The following NUS1 variants were observed in gnomAD, a reference collection of about 807,000 sequenced individuals.
The protein encoded by NUS1 is NUS1 dehydrodolichyl diphosphate synthase subunit.
For synonymous variants in NUS1, 135 were observed against 155.2 expected (o/e 0.87, Z 0.97); for missense variants, 292 against 382.9 (o/e 0.76, Z 1.98).
intron 3 of NUS1, among the ~76,000 whole-genome samples, chr6:117,697,634 C>T (rs551372450): frequency 1.3e-5 from 2 of 152,008 alleles, no homozygotes; most frequent in South Asian, 4.2e-4. Flanking sequence ...ATGCACCCAA[C>T]ATTGGAGAAC....
intron 3 of NUS1, among the ~76,000 whole-genome samples, chr6:117,699,887 G>T (rs1162371217): frequency 6.6e-6 from 1 of 152,108 alleles, no homozygotes; most frequent in Non-Finnish European, 1.5e-5. Context: ...TGACAAAGGT[G>T]CCCAGAACAT....
chr6:117,687,239 A>G (rs1277772774), intron 1 of NUS1, among the ~76,000 whole-genome samples: 1 of 152,210 alleles, frequency 6.6e-6, no homozygotes, highest in African/African-American at 2.4e-5. Flanking sequence ...TGGAAACTTA[A>G]GAAAAATTCC....
intron 1 of NUS1, among the ~76,000 whole-genome samples, chr6:117,678,817 T>C (rs1051657380): frequency 6.6e-6 from 1 of 151,496 alleles, no homozygotes; most frequent in African/African-American, 2.4e-5. Context: ...TAGCTGGGAC[T>C]ACAGGTGATG....
At chr6:117,695,832 G>T (rs1244507344) in intron 3 of NUS1, among the ~76,000 whole-genome samples, 2 of 151,916 alleles carry the variant, frequency 1.3e-5, no homozygotes, top group African/African-American at 4.8e-5. Flanking sequence ...TTTATGTCTT[G>T]CTTTGTTTAC....
At chr6:117,681,136 A>G (rs1471706511) in intron 1 of NUS1, among the ~76,000 whole-genome samples, 1 of 152,084 alleles carries the variant, frequency 6.6e-6, no homozygotes, top group Non-Finnish European at 1.5e-5. Flanking sequence ...CCTAAATATC[A>G]CCTTGTATAT....
At chr6:117,698,377 G>T (rs560101962) in intron 3 of NUS1, among the ~76,000 whole-genome samples, 2 of 152,182 alleles carry the variant, frequency 1.3e-5, no homozygotes, top group South Asian at 2.1e-4. Flanking sequence ...GATCATTAGT[G>T]GCTGCTATGA....
chr6:117,705,607 G>A (rs137945470), intron 4 of NUS1, among the ~76,000 whole-genome samples: 4,545 of 152,162 alleles, frequency 0.03, 82 homozygotes, highest in Middle Eastern at 0.061. Context: ...CAGGGAAAAT[G>A]TTAATCATAA....
intron 1 of NUS1, among the ~76,000 whole-genome samples, chr6:117,688,410 C>G (rs1475764651): frequency 2.0e-5 from 3 of 151,296 alleles, no homozygotes; most frequent in African/African-American, 7.3e-5. Context: ...TGGGCAGATA[C>G]TGATGGCTTT....
rs1773548742 is a variant in NUS1, at chr6:117,709,643, C to A, written c.*2628C>A. The A allele has an allele frequency of 6.6e-6, 1 of 151,960 alleles. No homozygotes were observed. Among genetic ancestry groups the A allele is most frequent in the African/African-American group, 2.4e-5 (1 of 41,224 alleles). 9.4% of individuals were successfully genotyped at this position (151,960 alleles called of 1,614,324 possible). A position where few individuals can be genotyped will look rare whatever the true frequency, so the allele number is the denominator to read the frequency against. On this transcript the variant is annotated 3_prime_UTR_variant, in exon 5 of 5. Coordinates refer to ENST00000368494, the MANE Select transcript of NUS1 (RefSeq NM_138459.5). ...GCTCCCTCCTCCTGTGTGATGGTAC[C>A]ATGCATAGAGTCAATCAAATCCTTG...
At chr6:117,692,424 T>C (rs1773236316) in intron 1 of NUS1, among the ~76,000 whole-genome samples, 1 of 152,126 alleles carries the variant, frequency 6.6e-6, no homozygotes, top group African/African-American at 2.4e-5. Context: ...TTTCTCATCT[T>C]TCTCAATAAC....
chr6:117,697,834 T>G (rs1434655031), intron 3 of NUS1, among the ~76,000 whole-genome samples: 1 of 152,132 alleles, frequency 6.6e-6, no homozygotes, highest in African/African-American at 2.4e-5. Flanking sequence ...ACAAAACATT[T>G]TATCCAATGG....
rs989293067 is a variant in NUS1 at position 117,709,114 on chromosome 6, T to G, written c.*2099T>G. The G allele has an allele frequency of 6.6e-6, 1 of 152,150 alleles. No homozygotes were observed. Among genetic ancestry groups the G allele is most frequent in the Non-Finnish European group, 1.5e-5 (1 of 67,984 alleles). 9.4% of individuals were successfully genotyped at this position (152,150 alleles called of 1,614,324 possible). A position where few individuals can be genotyped will look rare whatever the true frequency, so the allele number is the denominator to read the frequency against. ...ATGTAGTCATTCCAGAACCTTCTCT[T>G]TATGAGTTCACCTGCTAGTACAATC... On this transcript the variant is annotated 3_prime_UTR_variant, in exon 5 of 5. Transcript: ENST00000368494.
At chr6:117,677,859 G>A (rs527462604) in intron 1 of NUS1, among the ~76,000 whole-genome samples, 22 of 152,266 alleles carry the variant, frequency 1.4e-4, no homozygotes, top group South Asian at 2.1e-4. Context: ...TTTTGCTTGG[G>A]GAAAAAAATA....
intron 2 of NUS1, among the ~76,000 whole-genome samples, chr6:117,693,624 A>G (rs1282678966): frequency 3.3e-5 from 5 of 152,194 alleles, no homozygotes; most frequent in Non-Finnish European, 5.9e-5. Flanking sequence ...GGCAATGCAT[A>G]TTCCACTCTA....
At chr6:117,698,186 G>A (rs2114690354) in intron 3 of NUS1, among the ~76,000 whole-genome samples, 1 of 151,980 alleles carries the variant, frequency 6.6e-6, no homozygotes, top group East Asian at 1.9e-4. Context: ...AAAGATCAGA[G>A]CAGAAATGAA....
chr6:117,697,037 T>C (rs903163156), intron 3 of NUS1, among the ~76,000 whole-genome samples: 1 of 152,068 alleles, frequency 6.6e-6, no homozygotes, highest in African/African-American at 2.4e-5. Context: ...GTATACAGTT[T>C]TTATTAGTTT....
intron 1 of NUS1, among the ~76,000 whole-genome samples, chr6:117,682,226 A>G (rs905892864): frequency 2.6e-5 from 4 of 152,202 alleles, no homozygotes; most frequent in East Asian, 3.9e-4. Context: ...GAAAAATTCT[A>G]TCCTGCTTTT....
At chr6:117,693,792 C>T (rs531866241) in intron 2 of NUS1, among the ~76,000 whole-genome samples, 1 of 152,234 alleles carries the variant, frequency 6.6e-6, no homozygotes, top group African/African-American at 2.4e-5. Flanking sequence ...TCATTCTGAA[C>T]ACTTTGAAAA....
At position 117,707,064 on chromosome 6, in the gene NUS1, C is replaced by G. The variant is rs771922598; in HGVS notation, c.*49C>G. On this transcript the variant is annotated 3_prime_UTR_variant, in exon 5 of 5. Coordinates refer to ENST00000368494, the MANE Select transcript of NUS1 (RefSeq NM_138459.5). ...TTTGAGGCTTGTGGAGGAAAGGAAC[C>G]AAGTGACTCTGATGTTTACAAAGCA... 15 of 1,489,594 alleles carry G rather than the reference C, an allele frequency of 1.0e-5. No individual in the cohort carries two copies. The highest frequency in any genetic ancestry group is 1.4e-5 in the Non-Finnish European group (15 of 1,068,882). The allele number at this position is 1,489,594 out of a possible 1,614,324, so 92.3% of individuals were successfully genotyped here.
Sources: gnomAD v4.1 joint callset for allele counts (sites outside exome capture counted in the v4.1 genomes callset) on GRCh38, gnomAD v4.1.1 for gene constraint, MANE v1.5 for transcripts, NCBI Gene and HGNC (gene_info 2026-07-23, HGNC 2026-07-21) for gene names.